Variants in WDPCP observed in about 807,000 individuals in gnomAD.
WDPCP encodes the protein WD repeat-containing and planar cell polarity effector protein fritz homolog.
In WDPCP, 71 loss-of-function variants were observed where a neutral mutation model predicts 93.1. The ratio of observed to expected loss-of-function variants is 0.76; its 90% CI spans 0.63 to 0.93. The LOEUF (loss-of-function observed/expected upper bound fraction) is 0.93. WDPCP is among the 40% of genes least tolerant of loss of function. The pLI is 0.00. For missense variants in WDPCP, 844 were observed against 887.4 expected (o/e 0.95, Z 0.62); for synonymous variants, 315 against 315.0 (o/e 1.00, Z 0.00).
At chr2:63,660,425 G>A (rs191614272) in intron 2 of WDPCP, among the ~76,000 whole-genome samples, 93 of 152,328 alleles carry the variant, frequency 6.1e-4, no homozygotes, top group South Asian at 1.2e-3. Flanking sequence ...AAATTACAGA[G>A]AGTAGGAGAA....
At chr2:63,623,424 A>G (rs760667918) in intron 3 of WDPCP, among the ~76,000 whole-genome samples, 1 of 152,162 alleles carries the variant, frequency 6.6e-6, no homozygotes, top group East Asian at 1.9e-4. Flanking sequence ...AGTGTGCTGT[A>G]TTCAGGAGAC....
intron 2 of WDPCP, among the ~76,000 whole-genome samples, chr2:63,689,431 T>C (rs1668860954): frequency 6.6e-6 from 1 of 152,122 alleles, no homozygotes; most frequent in South Asian, 2.1e-4. Flanking sequence ...CTCGAAATAT[T>C]CTGAGATTTG....
At chr2:63,312,874 G>A (rs2103947425) in intron 13 of WDPCP, among the ~76,000 whole-genome samples, 1 of 152,118 alleles carries the variant, frequency 6.6e-6, no homozygotes, top group African/African-American at 2.4e-5. Flanking sequence ...AGATCTGTGG[G>A]ACATCTTTTG....
intron 13 of WDPCP, among the ~76,000 whole-genome samples, chr2:63,301,006 C>T (rs762382544): frequency 2.0e-5 from 3 of 152,114 alleles, no homozygotes; most frequent in Non-Finnish European, 4.4e-5. Context: ...TCTCTATCTG[C>T]CCTTGGTCTG....
At chr2:63,259,991 T>A (rs1350101239) in intron 13 of WDPCP, among the ~76,000 whole-genome samples, 1 of 152,116 alleles carries the variant, frequency 6.6e-6, no homozygotes, top group Non-Finnish European at 1.5e-5. Context: ...CAAAAAAGTA[T>A]GATAGATTTT....
chr2:63,488,325 C>T (rs988161217), intron 2 of WDPCP, among the ~76,000 whole-genome samples: 2 of 152,026 alleles, frequency 1.3e-5, no homozygotes, highest in Non-Finnish European at 2.9e-5. Flanking sequence ...TGACTGACTG[C>T]TCCAGACTTT....
chr2:63,706,680 A>G (rs1261421969), intron 2 of WDPCP, among the ~76,000 whole-genome samples: 1 of 134,730 alleles, frequency 7.4e-6, no homozygotes, highest in Non-Finnish European at 1.5e-5. Context: ...GCAGTGGCGC[A>G]ATCTCGGCTC....
At chr2:63,759,423 G>C (rs974558894) in intron 2 of WDPCP, among the ~76,000 whole-genome samples, 2 of 152,110 alleles carry the variant, frequency 1.3e-5, no homozygotes, top group Admixed American at 6.6e-5. Flanking sequence ...CTGGGAAAGG[G>C]GACTTGAGTA....
intron 13 of WDPCP, among the ~76,000 whole-genome samples, chr2:63,304,752 G>A (rs1019633702): frequency 7.9e-5 from 12 of 152,048 alleles, no homozygotes; most frequent in Admixed American, 5.9e-4. Flanking sequence ...AGACACAACC[G>A]TTTACTTCCC....
chr2:63,513,041 G>A (rs1475406221), intron 1 of WDPCP, among the ~76,000 whole-genome samples: 1 of 152,074 alleles, frequency 6.6e-6, no homozygotes, highest in Non-Finnish European at 1.5e-5. Context: ...TTAAGCAGGA[G>A]AGCAAAGAAG....
chr2:63,475,621 T>C (rs1699930387), intron 6 of WDPCP, among the ~76,000 whole-genome samples: 1 of 152,132 alleles, frequency 6.6e-6, no homozygotes, highest in Non-Finnish European at 1.5e-5. Context: ...ATAGAGAGCT[T>C]AATAATAACA....
intron 2 of WDPCP, among the ~76,000 whole-genome samples, chr2:63,739,302 T>C (rs1487813953): frequency 6.6e-6 from 1 of 152,180 alleles, no homozygotes; most frequent in Non-Finnish European, 1.5e-5. Context: ...CCTGCGTTAG[T>C]TTGCTGAGGA....
chr2:63,341,400 A>G (rs899874772), intron 12 of WDPCP, among the ~76,000 whole-genome samples: 4 of 152,198 alleles, frequency 2.6e-5, no homozygotes, highest in African/African-American at 9.7e-5. Flanking sequence ...AAGTGCTGGG[A>G]TTACAGGCGT....
chr2:63,545,637 G>C (rs1317106426), intron 1 of WDPCP, among the ~76,000 whole-genome samples: 1 of 151,566 alleles, frequency 6.6e-6, no homozygotes, highest in Non-Finnish European at 1.5e-5. Flanking sequence ...CTCTAAAGCA[G>C]GGTATAAAAA....
intron 2 of WDPCP, among the ~76,000 whole-genome samples, chr2:63,754,688 CA>C (rs1004223580): frequency 3.6e-4 from 55 of 152,292 alleles, no homozygotes; most frequent in African/African-American, 1.2e-3. Flanking sequence ...CCCTCCTTTA[CA>C]CAATCATTCA....
At chr2:63,165,993 T>C (rs538490685) in intron 15 of WDPCP, among the ~76,000 whole-genome samples, 1 of 152,052 alleles carries the variant, frequency 6.6e-6, no homozygotes, top group South Asian at 2.1e-4. Flanking sequence ...TATGGACTGG[T>C]TGCCTGTTTT....
intron 6 of WDPCP, among the ~76,000 whole-genome samples, chr2:63,468,435 C>G (rs1000660555): frequency 6.6e-6 from 1 of 152,160 alleles, no homozygotes; most frequent in Non-Finnish European, 1.5e-5. Flanking sequence ...ACTGTCTTAC[C>G]TCCACCCCAC....
intron 6 of WDPCP, among the ~76,000 whole-genome samples, chr2:63,481,887 T>A (rs1403179496): frequency 1.4e-5 from 2 of 147,824 alleles, no homozygotes; most frequent in African/African-American, 2.5e-5. Flanking sequence ...CAAAAACCTA[T>A]GGAAATAAAA....
intron 17 of WDPCP, among the ~76,000 whole-genome samples, chr2:63,140,954 A>G (rs1309909368): frequency 6.6e-6 from 1 of 152,150 alleles, no homozygotes; most frequent in African/African-American, 2.4e-5. Context: ...TTGGTTTGTC[A>G]TAGATGGAGT....
Sources: allele counts gnomAD v4.1 joint callset (sites outside exome capture counted in the v4.1 genomes callset), GRCh38; gene constraint gnomAD v4.1.1; transcripts MANE v1.5; gene names NCBI Gene and HGNC (gene_info 2026-07-23, HGNC 2026-07-21).